The following SLIT2 variants were observed in gnomAD, a reference collection of about 807,000 sequenced individuals.
The protein encoded by SLIT2 is slit guidance ligand 2, also known as slit homolog 2 protein.
In SLIT2, 41 loss-of-function variants were observed where a neutral mutation model predicts 185.7. That is an observed-to-expected ratio of 0.22 (90% CI 0.17 to 0.29). SLIT2 has a LOEUF of 0.29. Among genes scored for constraint, SLIT2 ranks in the 10% least tolerant of loss-of-function variants. The pLI, the probability that SLIT2 is intolerant of heterozygous loss-of-function variation, is 1.00. For synonymous variants in SLIT2, 693 were observed against 680.2 expected, an observed-to-expected ratio of 1.02 and a Z score of -0.29; for missense variants, 1,571 against 1,909.0, an observed-to-expected ratio of 0.82 and a Z score of 3.30.
chr4:20,392,031 G>A (rs960671303), intron 4 of SLIT2, among the ~76,000 whole-genome samples: 1 of 152,010 alleles, frequency 6.6e-6, no homozygotes, highest in Non-Finnish European at 1.5e-5. Flanking sequence ...CCAGTTGTTA[G>A]CATGAGAGAA....
At chr4:20,341,576 G>A (rs1720966108) in intron 4 of SLIT2, among the ~76,000 whole-genome samples, 1 of 152,160 alleles carries the variant, frequency 6.6e-6, no homozygotes, top group Non-Finnish European at 1.5e-5. Context: ...AGTTAATCTA[G>A]TGGAACACCA....
At chr4:20,260,149 A>G (rs1712292628) in intron 3 of SLIT2, among the ~76,000 whole-genome samples, 2 of 151,866 alleles carry the variant, frequency 1.3e-5, no homozygotes, top group African/African-American at 4.8e-5. Context: ...AAAAACCCCA[A>G]AACTACCCAG....
At position 20,616,719 on chromosome 4, in the gene SLIT2, C is replaced by G. The variant is rs192404268; in HGVS notation, c.3848-191C>G. The G allele has an allele frequency of 9.2e-5, 44 of 475,886 alleles. 1 individual carries two copies. The Admixed American group carries it at 1.4e-3, about 15-fold the overall frequency. The allele number at this position is 475,886 out of a possible 1,614,324, so 29.5% of individuals were successfully genotyped here. On this transcript the variant is annotated intron_variant, in intron 34 of 36. Transcript: ENST00000504154. The stretch of plus-strand genomic sequence containing the variant: ...AGTTGTGGATTAGAATTTCCTGGAG[C>G]ATCTTCCAATACAGAACAAAACAAA...
intron 29 of SLIT2, among the ~76,000 whole-genome samples, 198 bp from the exon 30 acceptor site, chr4:20,589,446 C>A (rs1223196707): frequency 6.6e-6 from 1 of 152,196 alleles, no homozygotes; most frequent in African/African-American, 2.4e-5. Flanking sequence ...AATCACAACA[C>A]TACTTAGCAG....
At chr4:20,586,047 T>G (rs1049752247) in intron 29 of SLIT2, among the ~76,000 whole-genome samples, 2 of 152,176 alleles carry the variant, frequency 1.3e-5, no homozygotes, top group Non-Finnish European at 2.9e-5. Flanking sequence ...GGTTGAGAAG[T>G]AGACATGCAG....
chr4:20,562,675 T>A (rs1459121710), intron 26 of SLIT2, among the ~76,000 whole-genome samples: 1 of 151,868 alleles, frequency 6.6e-6, no homozygotes, highest in Non-Finnish European at 1.5e-5. Flanking sequence ...GATGGAATGT[T>A]GTTAACAAAT....
intron 17 of SLIT2, among the ~76,000 whole-genome samples, chr4:20,533,206 T>C (rs1232830396): frequency 6.6e-6 from 1 of 152,252 alleles, no homozygotes; most frequent in Non-Finnish European, 1.5e-5. Context: ...AGTTGCCTTC[T>C]TTTAGTCATT....
intron 4 of SLIT2, among the ~76,000 whole-genome samples, chr4:20,348,375 A>T (rs1457515131): frequency 6.6e-6 from 1 of 150,500 alleles, no homozygotes; most frequent in Admixed American, 6.6e-5. Context: ...AGTAGCCGGG[A>T]CTACAGGCAT....
At chr4:20,330,131 A>C (rs924204998) in intron 4 of SLIT2, among the ~76,000 whole-genome samples, 1 of 151,978 alleles carries the variant, frequency 6.6e-6, no homozygotes, top group Non-Finnish European at 1.5e-5. Flanking sequence ...CAAATTTGGC[A>C]GTGTTGATTG....
chr4:20,379,408 G>A (rs1724305110), intron 4 of SLIT2, among the ~76,000 whole-genome samples: 1 of 152,082 alleles, frequency 6.6e-6, no homozygotes, highest in South Asian at 2.1e-4. Context: ...TACATTAGAG[G>A]ATATATGTCG....
intron 4 of SLIT2, among the ~76,000 whole-genome samples, chr4:20,452,974 C>CA (rs1712644000): frequency 1.3e-5 from 2 of 152,100 alleles, no homozygotes; most frequent in South Asian, 2.1e-4. Context: ...TATCTGTGCC[C>CA]AACTCTCTTT....
At chr4:20,594,429 C>T (rs896445276) in intron 30 of SLIT2, among the ~76,000 whole-genome samples, 1 of 151,764 alleles carries the variant, frequency 6.6e-6, no homozygotes, top group African/African-American at 2.4e-5. Flanking sequence ...TCAGTGAACC[C>T]TCTCTTAAAC....
intron 4 of SLIT2, among the ~76,000 whole-genome samples, chr4:20,310,522 C>T (rs1718011621): frequency 6.6e-6 from 1 of 152,096 alleles, no homozygotes; most frequent in Non-Finnish European, 1.5e-5. Context: ...GACAACTTTC[C>T]CTCTTAAGTA....
intron 25 of SLIT2, among the ~76,000 whole-genome samples, chr4:20,551,393 A>G (rs1723741463): frequency 6.6e-6 from 1 of 152,210 alleles, no homozygotes; most frequent in South Asian, 2.1e-4. Flanking sequence ...ACACAGCCAA[A>G]TACTTAGATT....
intron 4 of SLIT2, among the ~76,000 whole-genome samples, chr4:20,432,491 G>A (rs1439201505): frequency 6.7e-6 from 1 of 150,118 alleles, no homozygotes; most frequent in African/African-American, 2.5e-5. Context: ...AAGGACTCCT[G>A]AGCCTTCATT....
chr4:20,362,965 T>G (rs1444467438), intron 4 of SLIT2, among the ~76,000 whole-genome samples: 1 of 152,084 alleles, frequency 6.6e-6, no homozygotes, highest in African/African-American at 2.4e-5. Flanking sequence ...GTTTAAAAAC[T>G]GCTTTGGGAC....
chr4:20,485,995 G>A (rs1717199738), intron 6 of SLIT2, among the ~76,000 whole-genome samples: 1 of 152,108 alleles, frequency 6.6e-6, no homozygotes, highest in African/African-American at 2.4e-5. Context: ...TGTAGTAAAT[G>A]TTGAATAAAA....
chr4:20,619,185 G>A lies in SLIT2; in HGVS notation c.*176G>A. 1.6e-6 allele frequency: 1 copy of A among 622,194 alleles called. No homozygotes were observed. The highest frequency in any genetic ancestry group is 2.6e-6 in the Non-Finnish European group (1 of 388,642). 38.5% of individuals were successfully genotyped at this position (622,194 alleles called of 1,614,324 possible). A position where few individuals can be genotyped will look rare whatever the true frequency, so the allele number is the denominator to read the frequency against. ...CATTTGGAAAAAAAAAAAAAGAAATGCTTGAACTAAAGCTTCCCCTATGCT... is the reference window on the plus strand; with the variant it reads ...CATTTGGAAAAAAAAAAAAAGAAATACTTGAACTAAAGCTTCCCCTATGCT... On this transcript the variant is annotated 3_prime_UTR_variant, in exon 37 of 37. Transcript: ENST00000504154.
intron 27 of SLIT2, 57 bp from the exon 28 acceptor site, chr4:20,567,461 C>G: frequency 6.2e-7 from 1 of 1,609,112 alleles, no homozygotes; most frequent in Admixed American, 1.7e-5. Flanking sequence ...TTCTACTGTG[C>G]TTTCTGTATG....
Sources: allele counts gnomAD v4.1 joint callset (sites outside exome capture counted in the v4.1 genomes callset), GRCh38; gene constraint gnomAD v4.1.1; transcripts MANE v1.5; gene names NCBI Gene and HGNC (gene_info 2026-07-23, HGNC 2026-07-21).